Variants in SUGCT observed in about 807,000 individuals in gnomAD.
SUGCT encodes the protein succinyl-CoA:glutarate-CoA transferase.
In SUGCT, 41 loss-of-function variants were observed where a neutral mutation model predicts 55.0. The ratio of observed to expected loss-of-function variants is 0.74; its 90% CI spans 0.58 to 0.97. The LOEUF (loss-of-function observed/expected upper bound fraction) is 0.97. Ranked by LOEUF, SUGCT falls within the 50% of genes least tolerant of loss-of-function variation. The pLI is 0.00. For synonymous variants in SUGCT, 187 were observed against 200.4 expected (o/e 0.93, Z 0.56); for missense variants, 568 against 547.8 (o/e 1.04, Z -0.37).
At chr7:40,321,013 A>G (rs971115435) in intron 9 of SUGCT, among the ~76,000 whole-genome samples, 2 of 150,986 alleles carry the variant, frequency 1.3e-5, no homozygotes, top group African/African-American at 4.9e-5. Flanking sequence ...GCTCCCACTT[A>G]TAAGTGAGAA....
intron 10 of SUGCT, among the ~76,000 whole-genome samples, chr7:40,452,635 A>C (rs921829420): frequency 6.6e-6 from 1 of 152,168 alleles, no homozygotes; most frequent in Non-Finnish European, 1.5e-5. Flanking sequence ...TTTTCTAAGC[A>C]TCTGTTTTCC....
chr7:40,506,549 T>A (rs918336139), intron 12 of SUGCT, among the ~76,000 whole-genome samples: 2 of 152,204 alleles, frequency 1.3e-5, no homozygotes, highest in East Asian at 3.8e-4. Flanking sequence ...ACAATTGATG[T>A]GTTTGAGTTC....
In SUGCT at chr7:40,597,889, T is replaced by G. The variant is rs547421536; in HGVS notation, c.1089+101503T>G. On this transcript the variant is annotated intron_variant, in intron 12 of 13. Coordinates refer to ENST00000335693, the MANE Select transcript of SUGCT (RefSeq NM_001193313.2). ...CCTATCCTGACAAATATAGGTACTATTTTTTATTTTCCAGCTAATCTTTGA... is the reference window on the plus strand; with the variant it reads ...CCTATCCTGACAAATATAGGTACTAGTTTTTATTTTCCAGCTAATCTTTGA... Among the ~76,000 whole-genome samples, 4 of 152,310 alleles carry G rather than the reference T, an allele frequency of 2.6e-5. No homozygotes were observed. The East Asian group carries it at 7.7e-4, about 29-fold the overall frequency.
chr7:40,497,773 G>C (rs1217390643), intron 12 of SUGCT, among the ~76,000 whole-genome samples: 1 of 152,048 alleles, frequency 6.6e-6, no homozygotes, highest in Non-Finnish European at 1.5e-5. Flanking sequence ...TATTTCCTAA[G>C]AGTTTTTCCA....
intron 12 of SUGCT, among the ~76,000 whole-genome samples, chr7:40,657,574 G>C (rs984755414): frequency 6.6e-6 from 1 of 151,672 alleles, no homozygotes; most frequent in South Asian, 2.1e-4. Context: ...AATCTCTGTC[G>C]CCCGGGCTGG....
intron 11 of SUGCT, among the ~76,000 whole-genome samples, chr7:40,487,382 C>T (rs1583810873): frequency 2.0e-5 from 3 of 148,730 alleles, no homozygotes; most frequent in Non-Finnish European, 4.4e-5. Flanking sequence ...GCTGGGATTA[C>T]AGGCGTGAGC....
rs113417695 is a variant in SUGCT at position 40,691,898 on chromosome 7, T to C, written c.1090-57536T>C. 6.1e-3 allele frequency among the ~76,000 whole-genome samples: 927 copies of C among 152,288 alleles called. 9 individuals are homozygous for C. Among genetic ancestry groups the C allele is most frequent in the African/African-American group, 0.02 (828 of 41,564 alleles). On this transcript the variant is annotated intron_variant, in intron 12 of 13. Transcript: ENST00000335693. Reference sequence around the variant, plus strand: ...TCAAGAGACACAAAAATTTGTTAAGTGCTCACCATGTAGCAAAAATATTTA... The same window carrying C: ...TCAAGAGACACAAAAATTTGTTAAGCGCTCACCATGTAGCAAAAATATTTA...
intron 12 of SUGCT, among the ~76,000 whole-genome samples, chr7:40,739,403 C>T (rs1787346780): frequency 6.6e-6 from 1 of 152,134 alleles, no homozygotes; most frequent in African/African-American, 2.4e-5. Context: ...AAGATTGACG[C>T]AGGTTGTTGT....
chr7:40,862,729 T>A (rs1794515010), downstream of SUGCT, among the ~76,000 whole-genome samples: 1 of 139,934 alleles, frequency 7.1e-6, no homozygotes, highest in African/African-American at 2.5e-5. Context: ...CTTCTTTTTC[T>A]TGTTTTTTTT....
At position 40,449,283 on chromosome 7, in the gene SUGCT, T is replaced by G. The variant is rs1382465451; in HGVS notation, c.817-4T>G. ...ATATTTACCTGTGTATTTATTTCTT[T>G]TAGGCTTTTAAAACCAAGGATGGCT... On this transcript the variant is annotated splice_polypyrimidine_tract_variant and splice_region_variant and intron_variant, in intron 9 of 13. Coordinates refer to ENST00000335693, the MANE Select transcript of SUGCT (RefSeq NM_001193313.2). 1 of 1,604,454 alleles carries G rather than the reference T, an allele frequency of 6.2e-7. No individual in the cohort carries two copies. Among genetic ancestry groups the G allele is most frequent in the Non-Finnish European group, 8.5e-7 (1 of 1,172,218 alleles).
chr7:40,305,883 T>A (rs1288922701), intron 8 of SUGCT, among the ~76,000 whole-genome samples: 1 of 152,142 alleles, frequency 6.6e-6, no homozygotes, highest in East Asian at 1.9e-4. Context: ...CAGGCTGATC[T>A]TGAACTCGTG....
At chr7:40,673,321 C>T (rs1043367066) in intron 12 of SUGCT, among the ~76,000 whole-genome samples, 10 of 152,264 alleles carry the variant, frequency 6.6e-5, no homozygotes, top group African/African-American at 9.6e-5. Flanking sequence ...CTGTTACTCT[C>T]ACCAACATGG....
chr7:40,467,345 T>A (rs1790177738), intron 11 of SUGCT, among the ~76,000 whole-genome samples: 1 of 152,008 alleles, frequency 6.6e-6, no homozygotes, highest in Non-Finnish European at 1.5e-5. Context: ...AATTTATGGG[T>A]AGCATGAGAT....
intron 9 of SUGCT, among the ~76,000 whole-genome samples, chr7:40,333,189 G>C: frequency 6.6e-6 from 1 of 151,998 alleles, no homozygotes; most frequent in Non-Finnish European, 1.5e-5. Context: ...GGAGCATCAG[G>C]GTTGGATGAA....
At chr7:40,931,010 G>A in the SUGCT span, among the ~76,000 whole-genome samples, 1 of 152,190 alleles carries the variant, frequency 6.6e-6, no homozygotes. Context: ...AGTTTTCAAA[G>A]GGAATGCTTC....
chr7:40,922,075 C>T, the SUGCT span, among the ~76,000 whole-genome samples: 5 of 152,160 alleles, frequency 3.3e-5, no homozygotes, highest in Admixed American at 3.3e-4. Context: ...CCGTATTTGT[C>T]ACCCCCTGGA....
intron 12 of SUGCT, among the ~76,000 whole-genome samples, chr7:40,581,375 A>G (rs1036489451): frequency 6.6e-6 from 1 of 152,184 alleles, no homozygotes; most frequent in African/African-American, 2.4e-5. Context: ...TTAGCCAGCT[A>G]AGGAGTACTT....
At chr7:40,913,682 T>C in the SUGCT span, among the ~76,000 whole-genome samples, 1 of 152,222 alleles carries the variant, frequency 6.6e-6, no homozygotes, top group East Asian at 1.9e-4. Context: ...TGGTCTAGAA[T>C]GGACTCATCT....
intron 1 of SUGCT, among the ~76,000 whole-genome samples, chr7:40,151,154 C>T (rs1385954565): frequency 6.6e-5 from 10 of 152,114 alleles, no homozygotes; most frequent in South Asian, 6.2e-4. Context: ...GCAGGAGAAT[C>T]GCTTGAACCC....
Sources: allele counts gnomAD v4.1 joint callset (sites outside exome capture counted in the v4.1 genomes callset), GRCh38; gene constraint gnomAD v4.1.1; transcripts MANE v1.5; gene names NCBI Gene and HGNC (gene_info 2026-07-23, HGNC 2026-07-21).